The following HORMAD2 variants were observed in gnomAD, a reference collection of about 807,000 sequenced individuals.
HORMAD2 encodes the protein HORMA domain-containing protein 2.
A neutral mutation model predicts 38.8 loss-of-function variants in HORMAD2; 45 were observed. The observed-to-expected ratio is 1.16, with a 90% CI of 0.91 to 1.49. The LOEUF (loss-of-function observed/expected upper bound fraction) is 1.49. Among genes scored for constraint, HORMAD2 ranks in the 40% most tolerant of loss-of-function variants. HORMAD2 has a pLI of 0.00. For missense variants in HORMAD2, 338 were observed against 367.0 expected, an observed-to-expected ratio of 0.92 and a Z score of 0.65; for synonymous variants, 126 against 122.8, an observed-to-expected ratio of 1.03 and a Z score of -0.17.
intron 2 of HORMAD2, among the ~76,000 whole-genome samples, chr22:30,094,757 T>C (rs2068752632): frequency 6.6e-6 from 1 of 152,150 alleles, no homozygotes; most frequent in African/African-American, 2.4e-5. Context: ...ATGATGAAGA[T>C]AATTTGCGTA....
At chr22:30,113,916 C>T (rs1921851501) in intron 7 of HORMAD2, among the ~76,000 whole-genome samples, 1 of 152,124 alleles carries the variant, frequency 6.6e-6, no homozygotes, top group African/African-American at 2.4e-5. Context: ...TCTATTGTTT[C>T]ATTTCAAAAT....
intron 5 of HORMAD2, among the ~76,000 whole-genome samples, chr22:30,107,116 G>A (rs752763926): frequency 6.6e-6 from 1 of 152,204 alleles, no homozygotes; most frequent in Non-Finnish European, 1.5e-5. Flanking sequence ...CTGTGCCTAA[G>A]CATTGGATGA....
intron 6 of HORMAD2, among the ~76,000 whole-genome samples, 197 bp downstream of exon 6, chr22:30,112,013 G>A (rs1921701615): frequency 6.6e-6 from 1 of 151,806 alleles, no homozygotes; most frequent in African/African-American, 2.4e-5. Flanking sequence ...TAATACATGG[G>A]AAAATGTATA....
At chr22:30,098,754 A>C in intron 2 of HORMAD2, 98 bp from the exon 3 acceptor site, 1 of 985,330 alleles carries the variant, frequency 1.0e-6, no homozygotes, top group East Asian at 2.6e-5. Context: ...TCAAATTTGA[A>C]GTCCTGAGAA....
intron 5 of HORMAD2, among the ~76,000 whole-genome samples, chr22:30,108,035 A>G (rs907806510): frequency 5.9e-5 from 9 of 151,524 alleles, no homozygotes; most frequent in Admixed American, 2.0e-4. Flanking sequence ...TGCCTTGCTA[A>G]TTTTTGTATT....
intron 10 of HORMAD2, among the ~76,000 whole-genome samples, chr22:30,158,866 G>A (rs1925271872): frequency 6.6e-6 from 1 of 151,706 alleles, no homozygotes; most frequent in African/African-American, 2.4e-5. Context: ...TGTATTTTTG[G>A]TAGAGATGGG....
chr22:30,174,361 C>T (rs1373622085), intron 10 of HORMAD2, among the ~76,000 whole-genome samples: 1 of 151,984 alleles, frequency 6.6e-6, no homozygotes, highest in Non-Finnish European at 1.5e-5. Flanking sequence ...TCAAATGTTC[C>T]TTTGTGTGGA....
At chr22:30,115,942 A>G (rs1025142586) in intron 7 of HORMAD2, among the ~76,000 whole-genome samples, 1 of 152,204 alleles carries the variant, frequency 6.6e-6, no homozygotes, top group African/African-American at 2.4e-5. Flanking sequence ...TGACAGGCCA[A>G]ATAACACCAC....
At chr22:30,191,019 A>T in the HORMAD2 span, among the ~76,000 whole-genome samples, 1 of 152,190 alleles carries the variant, frequency 6.6e-6, no homozygotes, top group Admixed American at 6.5e-5. Flanking sequence ...AAAGGCCAGC[A>T]AGGAAAGAGA....
intron 5 of HORMAD2, among the ~76,000 whole-genome samples, chr22:30,110,895 C>T (rs530076633): frequency 1.0e-3 from 156 of 151,808 alleles, no homozygotes; most frequent in Non-Finnish European, 1.3e-3. Flanking sequence ...CAGTGGTTCA[C>T]GCCTGTAATC....
At chr22:30,193,580 A>G in the HORMAD2 span, among the ~76,000 whole-genome samples, 2 of 152,116 alleles carry the variant, frequency 1.3e-5, no homozygotes, top group Admixed American at 1.3e-4. Context: ...CCATATGAAG[A>G]GGAAGGACAG....
the HORMAD2 span, among the ~76,000 whole-genome samples, chr22:30,206,788 G>A: frequency 3.9e-5 from 6 of 152,156 alleles, no homozygotes; most frequent in Admixed American, 3.9e-4. Flanking sequence ...GAGTTTTGAT[G>A]AAGTTACAAA....
intron 7 of HORMAD2, among the ~76,000 whole-genome samples, chr22:30,116,936 C>CT (rs142632331): frequency 0.048 from 7,318 of 152,286 alleles, 588 homozygotes; most frequent in African/African-American, 0.17. Flanking sequence ...AGAGAGGACT[C>CT]TGTTCATCTC....
At chr22:30,086,755 G>C (rs898438641) in intron 1 of HORMAD2, among the ~76,000 whole-genome samples, 1 of 152,116 alleles carries the variant, frequency 6.6e-6, no homozygotes, top group Admixed American at 6.6e-5. Context: ...ACAACAACCT[G>C]GCTAAAGTGA....
At chr22:30,148,105 G>A (rs1924530960) in intron 10 of HORMAD2, among the ~76,000 whole-genome samples, 1 of 152,064 alleles carries the variant, frequency 6.6e-6, no homozygotes, top group South Asian at 2.1e-4. Context: ...TCCATCAATA[G>A]GTGAAAGGAT....
At chr22:30,106,493 G>T (rs1186372439) in intron 5 of HORMAD2, among the ~76,000 whole-genome samples, 1 of 152,130 alleles carries the variant, frequency 6.6e-6, no homozygotes, top group Non-Finnish European at 1.5e-5. Flanking sequence ...GAAATCTTTT[G>T]AGAGAAAATA....
rs146453452 is a variant in HORMAD2 at position 30,113,853 on chromosome 22, C to T, written c.342+1331C>T. On this transcript the variant is annotated intron_variant, in intron 7 of 10. Transcript: ENST00000336726. Reference sequence around the variant, plus strand: ...CAAGGGGTAAGAAAACTTTTACATACGGTAGGTAGCAATTCCTCAATGCCC... The same window carrying T: ...CAAGGGGTAAGAAAACTTTTACATATGGTAGGTAGCAATTCCTCAATGCCC... 2.9e-3 allele frequency among the ~76,000 whole-genome samples: 441 copies of T among 152,216 alleles called. 8 individuals are homozygous for T. The highest frequency in any genetic ancestry group is 0.01 in the African/African-American group (422 of 41,532).
At chr22:30,142,423 G>C (rs1924145623) in intron 10 of HORMAD2, among the ~76,000 whole-genome samples, 1 of 152,150 alleles carries the variant, frequency 6.6e-6, no homozygotes, top group South Asian at 2.1e-4. Flanking sequence ...CTGTTGTTCA[G>C]ATATTCTGCC....
At chr22:30,187,099 A>C in the HORMAD2 span, among the ~76,000 whole-genome samples, 167 of 152,344 alleles carry the variant, frequency 1.1e-3, no homozygotes, top group Non-Finnish European at 1.5e-3. Flanking sequence ...ATGTCGTAGA[A>C]TGGCAAGTAG....
Sources: gnomAD v4.1 joint callset for allele counts (sites outside exome capture counted in the v4.1 genomes callset) on GRCh38, gnomAD v4.1.1 for gene constraint, MANE v1.5 for transcripts, NCBI Gene and HGNC (gene_info 2026-07-23, HGNC 2026-07-21) for gene names.